The following PARVA variants were observed in gnomAD, a reference collection of about 807,000 sequenced individuals.
PARVA encodes alpha-parvin.
A neutral mutation model predicts 52.6 loss-of-function variants in PARVA; 25 were observed. The observed-to-expected ratio is 0.48, with a 90% CI of 0.35 to 0.66. The LOEUF is 0.66. PARVA is among the 30% of genes least tolerant of loss of function. The pLI, the probability that PARVA is intolerant of heterozygous loss-of-function variation, is 0.01. For synonymous variants in PARVA, 185 were observed against 179.1 expected, an observed-to-expected ratio of 1.03 and a Z score of -0.26; for missense variants, 373 against 450.9, an observed-to-expected ratio of 0.83 and a Z score of 1.56.
At chr11:12,504,184 AG>A in intron 5 of PARVA, 129 bp from the exon 6 acceptor site, 1 of 632,996 alleles carries the variant, frequency 1.6e-6, no homozygotes, top group Non-Finnish European at 2.9e-6. Flanking sequence ...ATTACATTTC[AG>A]CATGAGATTT....
At chr11:12,462,001 G>GA (rs1564852914) in intron 1 of PARVA, among the ~76,000 whole-genome samples, 1 of 152,148 alleles carries the variant, frequency 6.6e-6, no homozygotes, top group Non-Finnish European at 1.5e-5. Context: ...TATAACCACT[G>GA]AAACAAGTAT....
At chr11:12,484,657 C>G (rs138123266) in intron 4 of PARVA, among the ~76,000 whole-genome samples, 108 of 152,068 alleles carry the variant, frequency 7.1e-4, no homozygotes, top group African/African-American at 2.5e-3. Context: ...TATATGCTAA[C>G]TGCTGAGTTC....
chr11:12,467,593 G>C (rs1317939624), intron 1 of PARVA, among the ~76,000 whole-genome samples: 1 of 152,180 alleles, frequency 6.6e-6, no homozygotes, highest in Non-Finnish European at 1.5e-5. Flanking sequence ...TTGCTGACCA[G>C]ACAATATAGT....
intron 6 of PARVA, among the ~76,000 whole-genome samples, chr11:12,505,698 C>G (rs1941424257): frequency 6.6e-6 from 1 of 152,180 alleles, no homozygotes; most frequent in Non-Finnish European, 1.5e-5. Context: ...AAACATGGCA[C>G]TAAGCATTTT....
At chr11:12,422,078 C>T (rs1009960072) in intron 1 of PARVA, among the ~76,000 whole-genome samples, 1 of 152,148 alleles carries the variant, frequency 6.6e-6, no homozygotes, top group Non-Finnish European at 1.5e-5. Context: ...AAATGTTTTG[C>T]ATTTAGGGTT....
At chr11:12,490,826 G>C (rs766364258) in intron 4 of PARVA, among the ~76,000 whole-genome samples, 1 of 152,134 alleles carries the variant, frequency 6.6e-6, no homozygotes, top group South Asian at 2.1e-4. Flanking sequence ...GAGTCAACGC[G>C]TGCTGAGGTC....
At position 12,517,711 on chromosome 11, in the gene PARVA, G is replaced by A. The variant is rs1166716738; in HGVS notation, c.969G>A (p.Lys323=). The stretch of plus-strand genomic sequence containing the variant: ...TGACCCCGGACAGCTTTGAACAGAA[G>A]GTAAGGAGAAGGGACATCAAGGGAG... ...FFLTPDSFEQ[K]VLNVSFAFEL... Residue 323 remains lysine, a splice_region_variant and synonymous_variant, in exon 11 of 13, where the codon AAG becomes AAA. Transcript: ENST00000334956. 1.9e-6 allele frequency: 3 copies of A among 1,591,468 alleles called. No homozygotes were observed. The highest frequency in any genetic ancestry group is 1.3e-5 in the African/African-American group (1 of 74,526).
At chr11:12,416,208 TAGC>T (rs1217587623) in intron 1 of PARVA, among the ~76,000 whole-genome samples, 1 of 152,208 alleles carries the variant, frequency 6.6e-6, no homozygotes, top group African/African-American at 2.4e-5. Context: ...TGTCACCCGT[TAGC>T]AGGCAGATAG....
chr11:12,413,193 T>C (rs947396808), intron 1 of PARVA, among the ~76,000 whole-genome samples: 2 of 152,228 alleles, frequency 1.3e-5, no homozygotes, highest in African/African-American at 4.8e-5. Context: ...CTCCATTTCA[T>C]AGATGAGGAA....
At position 12,525,351 on chromosome 11, in the gene PARVA, C is replaced by T. The variant is rs117006278; in HGVS notation, c.1043-2498C>T. On this transcript the variant is annotated intron_variant, in intron 12 of 12. Transcript: ENST00000334956. Reference sequence around the variant, plus strand: ...GGAGTTGTGCAGTGTACATCCTGCACAGCCATGCCTGGAGGCCTATCATAG... The same window carrying T: ...GGAGTTGTGCAGTGTACATCCTGCATAGCCATGCCTGGAGGCCTATCATAG... 2.9e-3 allele frequency among the ~76,000 whole-genome samples: 436 copies of T among 152,238 alleles called. 2 individuals are homozygous for T. The highest frequency in any genetic ancestry group is 9.7e-3 in the African/African-American group (401 of 41,540).
upstream of PARVA, chr11:12,376,815 T>C (rs1227707035): frequency 1.5e-6 from 1 of 684,654 alleles, no homozygotes; most frequent in Admixed American, 6.3e-5. Flanking sequence ...TCCCCTGTTA[T>C]CTCAAATGAG....
chr11:12,382,161 A>G (rs1018777439), intron 1 of PARVA, among the ~76,000 whole-genome samples: 1 of 152,238 alleles, frequency 6.6e-6, no homozygotes, highest in Non-Finnish European at 1.5e-5. Context: ...TACAGTATGT[A>G]CTACAGTTCA....
At chr11:12,397,170 A>G (rs1488009563) in intron 1 of PARVA, among the ~76,000 whole-genome samples, 1 of 152,192 alleles carries the variant, frequency 6.6e-6, no homozygotes, top group African/African-American at 2.4e-5. Context: ...TTCCCTATTG[A>G]TGAACATTTA....
intron 12 of PARVA, among the ~76,000 whole-genome samples, chr11:12,524,920 A>G (rs1036445565): frequency 6.6e-6 from 1 of 152,238 alleles, no homozygotes; most frequent in Admixed American, 6.5e-5. Context: ...TTGAGAACAT[A>G]AAACAGGACC....
upstream of PARVA, chr11:12,376,732 T>C: frequency 1.3e-5 from 13 of 984,876 alleles, no homozygotes; most frequent in Non-Finnish European, 1.6e-5. Flanking sequence ...GAACTTGAGA[T>C]GGGTAAGCTC....
At chr11:12,511,663 G>A (rs1308767305) in intron 8 of PARVA, 130 bp downstream of exon 8, 25 of 932,364 alleles carry the variant, frequency 2.7e-5, no homozygotes, top group Non-Finnish European at 4.3e-5. Context: ...TGGGTGACAT[G>A]GCCAATTGGG....
chr11:12,395,591 T>C (rs1175218083), intron 1 of PARVA, among the ~76,000 whole-genome samples: 2 of 152,174 alleles, frequency 1.3e-5, no homozygotes, highest in African/African-American at 4.8e-5. Flanking sequence ...ATGACACATA[T>C]CTTGCTTGAA....
rs1940408376 is a variant in PARVA, at chr11:12,437,859, T to A, written c.137-35886T>A. ...GCTTCCCATTCACCCCGTGACTTTGTACCTCTGCTGAAGCATTCATCATGG... is the reference window on the plus strand; with the variant it reads ...GCTTCCCATTCACCCCGTGACTTTGAACCTCTGCTGAAGCATTCATCATGG... On this transcript the variant is annotated intron_variant, in intron 1 of 12. Transcript: ENST00000334956. 2.0e-5 allele frequency among the ~76,000 whole-genome samples: 3 copies of A among 152,206 alleles called. No homozygotes were observed. The South Asian group carries it at 6.2e-4, about 31-fold the overall frequency.
intron 12 of PARVA, among the ~76,000 whole-genome samples, chr11:12,527,439 C>T (rs1179189761): frequency 1.1e-4 from 17 of 152,206 alleles, no homozygotes; most frequent in Admixed American, 1.1e-3. Flanking sequence ...CCCATGACGC[C>T]TATTTCCTGA....
Sources: gnomAD v4.1 joint callset for allele counts (sites outside exome capture counted in the v4.1 genomes callset) on GRCh38, gnomAD v4.1.1 for gene constraint, MANE v1.5 for transcripts, NCBI Gene and HGNC (gene_info 2026-07-23, HGNC 2026-07-21) for gene names.